ROR1: variants seen among roughly 807,000 people sequenced by gnomAD.
ROR1 encodes the protein inactive tyrosine-protein kinase transmembrane receptor ROR1.
Under a neutral mutation model 78.8 loss-of-function variants are expected in ROR1, and 19 were observed. That is an observed-to-expected ratio of 0.24 (90% CI 0.17 to 0.35). ROR1 has a LOEUF of 0.35. ROR1 is among the 10% of genes least tolerant of loss of function. The pLI, the probability that ROR1 is intolerant of heterozygous loss-of-function variation, is 1.00. For synonymous variants in ROR1, 386 were observed against 433.6 expected (o/e 0.89, Z 1.36); for missense variants, 917 against 1,177.8 (o/e 0.78, Z 3.24).
chr1:64,132,821 A>C (rs1348671885), intron 4 of ROR1, among the ~76,000 whole-genome samples: 1 of 150,718 alleles, frequency 6.6e-6, no homozygotes, highest in Non-Finnish European at 1.5e-5. Flanking sequence ...AATTATCCCC[A>C]AAAAGAATAT....
chr1:64,088,761 A>G lies in ROR1; in HGVS notation c.482+38045A>G, dbSNP rs530447233. Among the ~76,000 whole-genome samples, 16 of 152,304 alleles carry G rather than the reference A, an allele frequency of 1.1e-4. No individual in the cohort carries two copies. In the South Asian group the frequency reaches 3.3e-3, roughly 32 times the overall value. ...GACAATTAGGAGAAGCATACAAACC[A>G]TAAATTAAATGACATAAAAATAATT... On this transcript the variant is annotated intron_variant, in intron 4 of 8. Transcript: ENST00000371079.
chr1:63,868,562 C>T (rs1056633374), intron 1 of ROR1, among the ~76,000 whole-genome samples: 29 of 152,230 alleles, frequency 1.9e-4, no homozygotes, highest in Non-Finnish European at 1.5e-5. Context: ...GTGCATAATA[C>T]ACAGCGTCCT....
intron 2 of ROR1, among the ~76,000 whole-genome samples, chr1:64,015,881 C>G (rs1453567569): frequency 6.6e-6 from 1 of 152,162 alleles, no homozygotes; most frequent in East Asian, 1.9e-4. Flanking sequence ...TAGAGCCTCT[C>G]TAACCTCATA....
intron 7 of ROR1, among the ~76,000 whole-genome samples, chr1:64,143,888 G>C (rs1398068106): frequency 6.6e-6 from 1 of 152,206 alleles, no homozygotes; most frequent in Non-Finnish European, 1.5e-5. Flanking sequence ...GTTTTGAGCA[G>C]AAGGGTGACA....
At chr1:63,966,311 C>G (rs1173731432) in intron 1 of ROR1, among the ~76,000 whole-genome samples, 1 of 152,166 alleles carries the variant, frequency 6.6e-6, no homozygotes, top group Admixed American at 6.5e-5. Context: ...TCCTGGGTCT[C>G]CCGCGTGGAT....
intron 4 of ROR1, chr1:64,107,189 G>A (rs1647856212): frequency 6.6e-6 from 1 of 152,130 alleles, no homozygotes; most frequent in Admixed American, 6.6e-5. Flanking sequence ...TTAATTTTTA[G>A]AATAACCTTT....
At chr1:64,148,341 G>C (rs1393428682) in intron 7 of ROR1, among the ~76,000 whole-genome samples, 1 of 152,138 alleles carries the variant, frequency 6.6e-6, no homozygotes, top group Admixed American at 6.5e-5. Flanking sequence ...ATGTGTTTTT[G>C]TGTGTGTAAA....
At chr1:64,114,231 C>T (rs766218581) in intron 4 of ROR1, among the ~76,000 whole-genome samples, 9 of 152,170 alleles carry the variant, frequency 5.9e-5, no homozygotes, top group Non-Finnish European at 1.3e-4. Flanking sequence ...GCCATCTCAA[C>T]GTGCAACATG....
chr1:64,167,955 G>C (rs1245733508), intron 8 of ROR1, among the ~76,000 whole-genome samples: 1 of 152,178 alleles, frequency 6.6e-6, no homozygotes, highest in Non-Finnish European at 1.5e-5. Context: ...TTCCCAGAAA[G>C]CTCTGCAACT....
chr1:63,933,466 A>G (rs1645769977), intron 1 of ROR1, among the ~76,000 whole-genome samples: 1 of 152,300 alleles, frequency 6.6e-6, no homozygotes, highest in Admixed American at 6.5e-5. Context: ...TCTGGCATAT[A>G]ATAGGTGCTC....
chr1:63,957,367 C>G (rs945888304), intron 1 of ROR1, among the ~76,000 whole-genome samples: 1 of 152,230 alleles, frequency 6.6e-6, no homozygotes, highest in East Asian at 1.9e-4. Context: ...TTTCTCTTAA[C>G]AAACATAACT....
At chr1:64,002,403 C>T (rs1295560468) in intron 1 of ROR1, among the ~76,000 whole-genome samples, 2 of 152,118 alleles carry the variant, frequency 1.3e-5, no homozygotes, top group African/African-American at 4.8e-5. Context: ...GGATTACAGG[C>T]GTGAGCCATT....
intron 1 of ROR1, among the ~76,000 whole-genome samples, chr1:63,806,683 C>T (rs895573670): frequency 6.6e-6 from 1 of 152,142 alleles, no homozygotes; most frequent in African/African-American, 2.4e-5. Context: ...CTCAAGGAAA[C>T]TCAAGGAAAA....
intron 2 of ROR1, among the ~76,000 whole-genome samples, chr1:64,034,362 G>A (rs1452048040): frequency 1.3e-5 from 2 of 151,950 alleles, no homozygotes; most frequent in Non-Finnish European, 1.5e-5. Flanking sequence ...TTTTCCACTG[G>A]TGGTGTGCCC....
intron 1 of ROR1, among the ~76,000 whole-genome samples, chr1:63,845,100 T>C (rs187783204): frequency 6.6e-6 from 1 of 152,290 alleles, no homozygotes; most frequent in Admixed American, 6.5e-5. Context: ...GGAGACTCTT[T>C]GGGAGTTTAT....
chr1:63,992,750 G>A (rs1570027329), intron 1 of ROR1, among the ~76,000 whole-genome samples: 2 of 152,298 alleles, frequency 1.3e-5, no homozygotes, highest in Admixed American at 1.3e-4. Context: ...ATCAGCAAAT[G>A]TTTGTGAAAA....
chr1:63,806,356 C>G (rs1367050565), intron 1 of ROR1, among the ~76,000 whole-genome samples: 1 of 143,246 alleles, frequency 7.0e-6, no homozygotes, highest in Non-Finnish European at 1.5e-5. Context: ...CTCGCTCTGT[C>G]GCCCAGGCTG....
intron 1 of ROR1, among the ~76,000 whole-genome samples, chr1:63,815,813 A>G (rs527937854): frequency 4.6e-5 from 7 of 152,268 alleles, no homozygotes; most frequent in African/African-American, 1.7e-4. Flanking sequence ...ACACATACCC[A>G]GGTCCTGCCC....
chr1:64,010,110 C>A (rs1321755234), intron 2 of ROR1, among the ~76,000 whole-genome samples: 1 of 152,144 alleles, frequency 6.6e-6, no homozygotes, highest in Non-Finnish European at 1.5e-5. Context: ...GGATTGCCTT[C>A]TCTTCTTTGC....
Sources: gnomAD v4.1 joint callset for allele counts (sites outside exome capture counted in the v4.1 genomes callset) on GRCh38, gnomAD v4.1.1 for gene constraint, MANE v1.5 for transcripts, NCBI Gene and HGNC (gene_info 2026-07-23, HGNC 2026-07-21) for gene names.